Variants in FHIT observed in about 807,000 individuals in gnomAD.
FHIT encodes bis(5'-adenosyl)-triphosphatase.
Under a neutral mutation model 17.9 loss-of-function variants are expected in FHIT, and 19 were observed. The observed-to-expected ratio is 1.06, with a 90% CI of 0.74 to 1.56. The LOEUF (loss-of-function observed/expected upper bound fraction) is 1.56, where lower values mean the gene tolerates loss of function less well. Ranked by LOEUF, FHIT falls within the 40% of genes most tolerant of loss-of-function variation. The probability of loss-of-function intolerance (pLI) is 0.00; values close to 1 mark genes in which losing one functional copy is unlikely to be tolerated. For synonymous variants in FHIT, 81 were observed against 69.7 expected, an observed-to-expected ratio of 1.16 and a Z score of -0.81; for missense variants, 248 against 189.2, an observed-to-expected ratio of 1.31 and a Z score of -1.82.
At chr3:59,912,393 T>G (rs1017021551) in intron 8 of FHIT, among the ~76,000 whole-genome samples, 9 of 152,236 alleles carry the variant, frequency 5.9e-5, no homozygotes, top group African/African-American at 2.2e-4. Context: ...AAAAGGAAAT[T>G]CAGCCTCAGT....
rs376396089 is a variant in FHIT at position 60,097,993 on chromosome 3, G to C, written c.104-83841C>G. 4.7e-4 allele frequency among the ~76,000 whole-genome samples: 71 copies of C among 151,300 alleles called. 5 individuals are homozygous for C. Among genetic ancestry groups the C allele is most frequent in the East Asian group, 3.3e-3 (17 of 5,104 alleles). ...GGTTTTTTTGTCCTTGCCATAGTTT[G>C]CTGAGAATGATGGTTTCCAGTTTCA... On this transcript the variant is annotated intron_variant, in intron 5 of 9. Coordinates refer to ENST00000492590, the MANE Select transcript of FHIT (RefSeq NM_002012.4).
chr3:60,762,523 G>A (rs1368309188), intron 4 of FHIT, among the ~76,000 whole-genome samples: 5 of 152,158 alleles, frequency 3.3e-5, no homozygotes, highest in African/African-American at 4.8e-5. Flanking sequence ...ACTGTGTCCC[G>A]CTGGCACTTT....
chr3:60,360,802 C>T (rs1559851905), intron 5 of FHIT, among the ~76,000 whole-genome samples: 1 of 152,144 alleles, frequency 6.6e-6, no homozygotes, highest in East Asian at 1.9e-4. Flanking sequence ...TCCACTGACC[C>T]AGGCTTGGAA....
chr3:60,022,028 T>C (rs1250315219), intron 5 of FHIT, among the ~76,000 whole-genome samples: 3 of 152,220 alleles, frequency 2.0e-5, no homozygotes, highest in East Asian at 3.8e-4. Context: ...AGAAATAGTA[T>C]GCAGCACTGC....
At chr3:60,002,112 C>T (rs1339447492) in intron 7 of FHIT, among the ~76,000 whole-genome samples, 1 of 152,110 alleles carries the variant, frequency 6.6e-6, no homozygotes, top group African/African-American at 2.4e-5. Flanking sequence ...CCACCCTAGG[C>T]AGGGTCAACA....
chr3:60,636,917 C>T (rs1255669728), intron 4 of FHIT, among the ~76,000 whole-genome samples: 1 of 152,104 alleles, frequency 6.6e-6, no homozygotes, highest in African/African-American at 2.4e-5. Context: ...TCTATAGAAA[C>T]CCTTGCTTTG....
At chr3:61,233,218 A>G (rs2040148826) in intron 1 of FHIT, among the ~76,000 whole-genome samples, 2 of 152,192 alleles carry the variant, frequency 1.3e-5, no homozygotes, top group African/African-American at 4.8e-5. Context: ...AAAGGAAGTT[A>G]TCTAAGAAAA....
chr3:60,904,642 T>C (rs886067250), intron 3 of FHIT, among the ~76,000 whole-genome samples: 9 of 152,064 alleles, frequency 5.9e-5, no homozygotes, highest in Non-Finnish European at 7.4e-5. Flanking sequence ...CACCCTAATA[T>C]ATATTTTAAA....
At chr3:60,834,661 C>T (rs1702465251) in intron 3 of FHIT, among the ~76,000 whole-genome samples, 1 of 151,666 alleles carries the variant, frequency 6.6e-6, no homozygotes, top group Non-Finnish European at 1.5e-5. Flanking sequence ...AGTTTGAGAC[C>T]TGGCCAACAC....
intron 3 of FHIT, among the ~76,000 whole-genome samples, chr3:60,979,259 G>A (rs746878795): frequency 6.6e-6 from 1 of 152,134 alleles, no homozygotes. Flanking sequence ...TAAGGCAAAA[G>A]TGTCCCTTCA....
At chr3:60,943,936 G>C (rs1407283902) in intron 3 of FHIT, among the ~76,000 whole-genome samples, 1 of 152,072 alleles carries the variant, frequency 6.6e-6, no homozygotes, top group Non-Finnish European at 1.5e-5. Flanking sequence ...CAATGTTGCT[G>C]TACTTTCCTC....
chr3:60,314,062 C>T (rs560655269), intron 5 of FHIT, among the ~76,000 whole-genome samples: 1 of 151,976 alleles, frequency 6.6e-6, no homozygotes, highest in Non-Finnish European at 1.5e-5. Flanking sequence ...CAAATGAAGC[C>T]GAATAGTTTA....
chr3:60,267,198 C>A (rs552656309), intron 5 of FHIT, among the ~76,000 whole-genome samples: 1 of 151,816 alleles, frequency 6.6e-6, no homozygotes, highest in Non-Finnish European at 1.5e-5. Context: ...CTTAGAGATA[C>A]AGAGATAAAT....
chr3:60,574,548 C>A (rs72885788), intron 4 of FHIT, among the ~76,000 whole-genome samples: 2 of 151,952 alleles, frequency 1.3e-5, no homozygotes, highest in Non-Finnish European at 2.9e-5. Flanking sequence ...GGAGCACTCA[C>A]GCATTCTATA....
chr3:60,512,044 G>C (rs186271293), intron 5 of FHIT, among the ~76,000 whole-genome samples: 3 of 152,132 alleles, frequency 2.0e-5, no homozygotes, highest in Admixed American at 2.0e-4. Flanking sequence ...AATATATGTT[G>C]AAAGAACGAC....
chr3:60,537,830 A>G (rs1463030442), intron 4 of FHIT, among the ~76,000 whole-genome samples: 1 of 152,220 alleles, frequency 6.6e-6, no homozygotes, highest in Non-Finnish European at 1.5e-5. Context: ...ACTAAGAAAC[A>G]CCATCCCTAG....
At position 60,530,266 on chromosome 3, in the gene FHIT, G is replaced by A. The variant is rs527689033; in HGVS notation, c.103+6594C>T. Among the ~76,000 whole-genome samples, 14 of 152,236 alleles carry A rather than the reference G, an allele frequency of 9.2e-5. No homozygotes were observed. In the South Asian group the frequency reaches 2.9e-3, roughly 32 times the overall value. ...GAGCCAGAAGAGTCAAGGAAGAGAAGGCAGATAGCAGGAAGTAGTCTAGAT... is the reference window on the plus strand; with the variant it reads ...GAGCCAGAAGAGTCAAGGAAGAGAAAGCAGATAGCAGGAAGTAGTCTAGAT... On this transcript the variant is annotated intron_variant, in intron 5 of 9. Transcript: ENST00000492590.
At chr3:61,089,741 T>C (rs2035421912) in intron 2 of FHIT, among the ~76,000 whole-genome samples, 2 of 152,310 alleles carry the variant, frequency 1.3e-5, no homozygotes, top group East Asian at 3.9e-4. Context: ...CTAAGTTTTA[T>C]TCTATTCAGC....
intron 4 of FHIT, among the ~76,000 whole-genome samples, chr3:60,779,436 C>G (rs1700310392): frequency 6.6e-6 from 1 of 152,102 alleles, no homozygotes; most frequent in South Asian, 2.1e-4. Flanking sequence ...CCTGCAAACC[C>G]TGCCAGGTGA....
Sources: allele counts gnomAD v4.1 joint callset (sites outside exome capture counted in the v4.1 genomes callset), GRCh38; gene constraint gnomAD v4.1.1; transcripts MANE v1.5; gene names NCBI Gene and HGNC (gene_info 2026-07-23, HGNC 2026-07-21).